DNAH14: variants seen among roughly 807,000 people sequenced by gnomAD.
The protein encoded by DNAH14 is dynein axonemal heavy chain 14.
A neutral mutation model predicts 520.9 loss-of-function variants in DNAH14; 478 were observed. The observed-to-expected ratio is 0.92, with a 90% confidence interval of 0.85 to 0.99. DNAH14 has a LOEUF of 0.99. Ranked by LOEUF, DNAH14 falls within the 50% of genes least tolerant of loss-of-function variation. The probability of loss-of-function intolerance (pLI) is 0.00; values close to 1 mark genes in which losing one functional copy is unlikely to be tolerated. For missense variants in DNAH14, 4,831 were observed against 5,234.5 expected, an observed-to-expected ratio of 0.92 and a Z score of 2.38; for synonymous variants, 1,581 against 1,757.2, an observed-to-expected ratio of 0.90 and a Z score of 2.51.
At chr1:224,954,713 T>G (rs546230988) in intron 2 of DNAH14, 3 of 280,370 alleles carry the variant, frequency 1.1e-5, no homozygotes, top group Non-Finnish European at 2.0e-5. Flanking sequence ...AGACTCTCCA[T>G]GTAAATGTTG....
intron 17 of DNAH14, 50 bp from the exon 18 acceptor site, chr1:225,079,157 C>CA: frequency 6.8e-7 from 1 of 1,460,976 alleles, no homozygotes. Flanking sequence ...ATTAGTCTTC[C>CA]AAAATGATGA....
intron 78 of DNAH14, among the ~76,000 whole-genome samples, chr1:225,376,658 G>T (rs5015446): frequency 0.51 from 77,251 of 152,006 alleles, 21,973 homozygotes; most frequent in East Asian, 0.74. Context: ...GTTCCAGCTT[G>T]CCAGCTCTTC....
chr1:225,368,028 TG>T lies in DNAH14; in HGVS notation c.12318+1del, dbSNP rs2095574446. ...GCTTATAAATTTAATTCTTCAGACT[TG>T]GGGGTAAGTGTAGTCTCTTCAAACA... ...NIAYKFNSSD[L>X]GVAIKVLENS... On this transcript the variant is annotated frameshift_variant, in exon 77 of 86. Transcript: ENST00000682510. LOFTEE classifies it high-confidence loss of function. 2 of 1,545,782 alleles carry T rather than the reference TG, an allele frequency of 1.3e-6. No individual in the cohort carries two copies. The highest frequency in any genetic ancestry group is 1.7e-6 in the Non-Finnish European group (2 of 1,144,496).
chr1:224,939,632 C>T lies in DNAH14; in HGVS notation c.-34+9797C>T, dbSNP rs569759932. 6.6e-5 allele frequency among the ~76,000 whole-genome samples: 10 copies of T among 152,030 alleles called. No homozygotes were observed. The East Asian group carries it at 1.5e-3, about 24-fold the overall frequency. ...CCGGGAGGTGGAGCTTGCAGTGAGC[C>T]GAGATTGTGCCACTGCCCTCCAGCC... is the stretch of plus-strand genomic sequence containing the variant. On this transcript the variant is annotated intron_variant, in intron 1 of 85. Coordinates refer to ENST00000682510, the MANE Select transcript of DNAH14 (RefSeq NM_001367479.1).
chr1:225,337,399 T>C lies in DNAH14; in HGVS notation c.10214T>C (p.Met3405Thr). 6.4e-7 allele frequency: 1 copy of C among 1,551,660 alleles called. No individual in the cohort carries two copies. The change falls in exon 67 of 86, where the codon ATG (methionine) becomes ACG (threonine). Residue 3405 changes from methionine to threonine, a missense_variant. Transcript: ENST00000682510. ...CAAGCTCACAAATGGATCCGTCAGATGGAAGGATCCAGGCTGCAGAAGCTC... is the reference window on the plus strand; with the variant it reads ...CAAGCTCACAAATGGATCCGTCAGACGGAAGGATCCAGGCTGCAGAAGCTC... ...HRQAHKWIRQ[M>T]EGSRLQKLSI...
chr1:225,063,579 C>A (rs1004700472), intron 17 of DNAH14, among the ~76,000 whole-genome samples: 1 of 151,904 alleles, frequency 6.6e-6, no homozygotes, highest in African/African-American at 2.4e-5. Flanking sequence ...GAAATAGAAT[C>A]AATTGCAAAG....
In DNAH14 at chr1:225,043,924, AC is replaced by A; in HGVS notation, c.1854del (p.Asn618LysfsTer7). 3.3e-6 allele frequency: 5 copies of A among 1,527,338 alleles called. No individual in the cohort carries two copies. Among genetic ancestry groups the A allele is most frequent in the Non-Finnish European group, 4.4e-6 (5 of 1,130,118 alleles). The allele number at this position is 1,527,338 out of a possible 1,614,324, so 94.6% of individuals were successfully genotyped here. On this transcript the variant is annotated frameshift_variant, in exon 15 of 86. Coordinates refer to ENST00000682510, the MANE Select transcript of DNAH14 (RefSeq NM_001367479.1). LOFTEE classifies it high-confidence loss of function. ...EFPTNLFIDP[N>X]RLEFSVKIQN... Reference sequence around the variant, plus strand: ...CCTACAAATCTCTTTATAGATCCCAACAGATTGGAGTTTTCAGTAAAAATTC... The same window carrying A: ...CCTACAAATCTCTTTATAGATCCCAAAGATTGGAGTTTTCAGTAAAAATTC...
At chr1:225,260,308 C>T (rs184801229) in intron 46 of DNAH14, among the ~76,000 whole-genome samples, 6 of 150,538 alleles carry the variant, frequency 4.0e-5, no homozygotes, top group African/African-American at 9.8e-5. Flanking sequence ...GCCAAGATTG[C>T]GCCATTGTAC....
At chr1:225,002,025 TAGAA>T (rs1427741832) in intron 8 of DNAH14, among the ~76,000 whole-genome samples, 1 of 152,098 alleles carries the variant, frequency 6.6e-6, no homozygotes, top group Non-Finnish European at 1.5e-5. Context: ...AACTGTAAAA[TAGAA>T]AGAGGGAAGA....
chr1:225,208,949 T>C (rs575288009), intron 41 of DNAH14, among the ~76,000 whole-genome samples: 8 of 152,222 alleles, frequency 5.3e-5, no homozygotes, highest in Non-Finnish European at 1.2e-4. Context: ...GACCTTCTTA[T>C]AGTTTTCATC....
chr1:224,977,287 TGA>T (rs2061924494), intron 8 of DNAH14, among the ~76,000 whole-genome samples: 2 of 132,256 alleles, frequency 1.5e-5, no homozygotes, highest in East Asian at 4.5e-4. Context: ...AATTGAACAA[TGA>T]GAACACATGG....
intron 84 of DNAH14, among the ~76,000 whole-genome samples, chr1:225,393,788 G>T (rs530954290): frequency 1.6e-4 from 24 of 151,930 alleles, no homozygotes; most frequent in Non-Finnish European, 3.4e-4. Context: ...TCATTCTAGT[G>T]GACGTGCAGT....
chr1:225,252,624 TTA>T (rs1000326734), intron 44 of DNAH14, among the ~76,000 whole-genome samples: 1 of 152,102 alleles, frequency 6.6e-6, no homozygotes, highest in Non-Finnish European at 1.5e-5. Context: ...TCTGAGAAAT[TTA>T]GAGTATATTT....
At chr1:225,110,651 T>A (rs2076412318) in intron 23 of DNAH14, among the ~76,000 whole-genome samples, 2 of 151,940 alleles carry the variant, frequency 1.3e-5, no homozygotes, top group African/African-American at 4.8e-5. Flanking sequence ...TTTTCTATAG[T>A]GTAATTTCAT....
At position 225,346,012 on chromosome 1, in the gene DNAH14, A is replaced by C. The variant is rs956056044; in HGVS notation, c.10729A>C (p.Met3577Leu). 1.3e-6 allele frequency: 2 copies of C among 1,551,548 alleles called. No homozygotes were observed. The highest frequency in any genetic ancestry group is 2.4e-5 in the East Asian group (1 of 40,914). ...KIVDTLRKSK[M>L]TSNEISKRIE... is the part of the protein sequence containing the mutation. Reference sequence around the variant, plus strand: ...TGTAGATACCTTAAGAAAATCCAAAATGACATCAAACGAAATTTCAAAGCG... The same window carrying C: ...TGTAGATACCTTAAGAAAATCCAAACTGACATCAAACGAAATTTCAAAGCG... The change falls in exon 70 of 86, where the codon ATG (methionine) becomes CTG (leucine). Residue 3577 changes from methionine (M) to leucine (L), a missense_variant. Transcript: ENST00000682510.
At chr1:224,962,483 C>T (rs1247785033) in intron 4 of DNAH14, among the ~76,000 whole-genome samples, 2 of 152,184 alleles carry the variant, frequency 1.3e-5, no homozygotes, top group Non-Finnish European at 2.9e-5. Context: ...TAGCTGAGAA[C>T]TGTACCCAGC....
At chr1:225,000,446 A>G in intron 8 of DNAH14, among the ~76,000 whole-genome samples, 1 of 148,114 alleles carries the variant, frequency 6.8e-6, no homozygotes, top group East Asian at 2.0e-4. Flanking sequence ...GGAATGTTTC[A>G]GCCATTATTT....
intron 26 of DNAH14, among the ~76,000 whole-genome samples, chr1:225,123,312 G>T (rs1160574159): frequency 6.6e-6 from 1 of 152,072 alleles, no homozygotes; most frequent in African/African-American, 2.4e-5. Flanking sequence ...GGCCTTATTA[G>T]AAAAGTACAG....
intron 36 of DNAH14, among the ~76,000 whole-genome samples, chr1:225,169,384 G>A (rs564729906): frequency 1.3e-4 from 20 of 152,240 alleles, no homozygotes; most frequent in Non-Finnish European, 2.6e-4. Flanking sequence ...TGGCAAAGAA[G>A]TTAAAACCCT....
Sources: allele counts gnomAD v4.1 joint callset (sites outside exome capture counted in the v4.1 genomes callset), GRCh38; gene constraint gnomAD v4.1.1; transcripts MANE v1.5; gene names NCBI Gene and HGNC (gene_info 2026-07-23, HGNC 2026-07-21).